AXIN1: variants seen among roughly 807,000 people sequenced by gnomAD.
The protein encoded by AXIN1 is axin 1, also known as axin-1.
AXIN1 carries 30 observed loss-of-function variants against 76.4 expected under a neutral mutation model. The ratio of observed to expected loss-of-function variants is 0.39; its 90% CI spans 0.29 to 0.53. AXIN1 has a LOEUF of 0.53. AXIN1 is among the 20% of genes least tolerant of loss of function. The pLI is 0.66. For missense variants in AXIN1, 1,140 were observed against 1,198.8 expected, an observed-to-expected ratio of 0.95 and a Z score of 0.72; for synonymous variants, 545 against 501.4, an observed-to-expected ratio of 1.09 and a Z score of -1.16.
At chr16:305,146 A>T (rs1374429961) in intron 4 of AXIN1, among the ~76,000 whole-genome samples, 2 of 152,150 alleles carry the variant, frequency 1.3e-5, no homozygotes, top group Non-Finnish European at 2.9e-5. Context: ...AGGACAGGGG[A>T]GGTCTGGGAA....
At chr16:311,928 T>A (rs1362119665) in intron 3 of AXIN1, among the ~76,000 whole-genome samples, 3 of 152,200 alleles carry the variant, frequency 2.0e-5, no homozygotes, top group Non-Finnish European at 4.4e-5. Flanking sequence ...CGGCAACTCC[T>A]GAGGCATCCT....
intron 2 of AXIN1, among the ~76,000 whole-genome samples, chr16:316,761 T>G (rs2053312118): frequency 6.6e-6 from 1 of 152,208 alleles, no homozygotes; most frequent in Admixed American, 6.5e-5. Context: ...TTCCATTTGA[T>G]TCACAATTTT....
chr16:291,577 T>TAC, intron 8 of AXIN1: 1 of 519,572 alleles, frequency 1.9e-6, no homozygotes, highest in Admixed American at 3.1e-5. Flanking sequence ...TCAGGGGTGC[T>TAC]GGGATCCCAC....
intron 2 of AXIN1, among the ~76,000 whole-genome samples, chr16:332,579 A>C (rs955356657): frequency 6.6e-6 from 1 of 151,850 alleles, no homozygotes; most frequent in African/African-American, 2.4e-5. Flanking sequence ...CCTTCTCAAA[A>C]AAAAAAAGAA....
chr16:294,755 CAAAAAAAAAAA>C (rs1015576394), intron 7 of AXIN1, among the ~76,000 whole-genome samples: 1 of 24,742 alleles, frequency 4.0e-5, no homozygotes, highest in African/African-American at 1.7e-4. Context: ...AACCCCATCT[CAAAAAAAAAAA>C]AAAAAAAAAA....
chr16:318,669 G>C (rs1057021689), intron 2 of AXIN1, among the ~76,000 whole-genome samples: 2 of 152,238 alleles, frequency 1.3e-5, no homozygotes, highest in African/African-American at 4.8e-5. Context: ...GTGCCTGCCT[G>C]TGCGTGCGCC....
At chr16:327,799 C>T (rs2053614556) in intron 2 of AXIN1, among the ~76,000 whole-genome samples, 1 of 152,236 alleles carries the variant, frequency 6.6e-6, no homozygotes, top group Non-Finnish European at 1.5e-5. Flanking sequence ...TTTCAGCAAA[C>T]AGTGCTTGGG....
Position 330,061 on chromosome 16 carries a change from C to T in AXIN1, c.879-15378G>A, listed in dbSNP as rs182972620. Reference sequence around the variant, plus strand: ...GATTACAGGCATGACCCACTGTGCCCGGCCCTTTTTTTTTTTTGAGAGAGG... The same window carrying T: ...GATTACAGGCATGACCCACTGTGCCTGGCCCTTTTTTTTTTTTGAGAGAGG... On this transcript the variant is annotated intron_variant, in intron 2 of 10. Transcript: ENST00000262320. Among the ~76,000 whole-genome samples, 292 of 134,546 alleles carry T rather than the reference C, an allele frequency of 2.2e-3. 1 individual carries two copies. The highest frequency in any genetic ancestry group is 3.9e-3 in the Non-Finnish European group (249 of 63,256). 88.3% of individuals were successfully genotyped at this position (134,546 alleles called of 152,430 possible). A position where few individuals can be genotyped will look rare whatever the true frequency, so the allele number is the denominator to read the frequency against.
At chr16:317,444 C>T (rs576422374) in intron 2 of AXIN1, among the ~76,000 whole-genome samples, 3 of 152,334 alleles carry the variant, frequency 2.0e-5, no homozygotes, top group East Asian at 1.9e-4. Flanking sequence ...ATGGAAAACA[C>T]GGTTCACGAT....
chr16:313,460 G>A (rs1377268622), intron 3 of AXIN1, among the ~76,000 whole-genome samples: 6 of 152,224 alleles, frequency 3.9e-5, no homozygotes, highest in Non-Finnish European at 7.3e-5. Flanking sequence ...CCAGCTAAGC[G>A]GGAAAGACAT....
intron 2 of AXIN1, among the ~76,000 whole-genome samples, chr16:320,573 T>G (rs1160936489): frequency 1.3e-5 from 2 of 151,852 alleles, no homozygotes; most frequent in East Asian, 1.9e-4. Context: ...ACGTGCAAAT[T>G]TGAGAGAGTT....
chr16:320,743 A>ATATATATATATTTT (rs397722732), intron 2 of AXIN1, among the ~76,000 whole-genome samples: 4 of 107,660 alleles, frequency 3.7e-5, no homozygotes, highest in African/African-American at 9.2e-5. Flanking sequence ...ATATATATAT[A>ATATATATATATTTT]TTTTTTTTTT....
chr16:295,422 T>C lies in AXIN1; in HGVS notation c.1955+1634A>G, dbSNP rs1432333129. Among the ~76,000 whole-genome samples the C allele has an allele frequency of 2.0e-5, 3 of 152,018 alleles. No homozygotes were observed. In the East Asian group the frequency reaches 5.8e-4, roughly 29 times the overall value. ...TACATTTTATTTTTAACAGCTTTAC[T>C]GGGATACAAATTATATACTAATCCT... is the stretch of plus-strand genomic sequence containing the variant. On this transcript the variant is annotated intron_variant, in intron 7 of 10. Coordinates refer to ENST00000262320, the MANE Select transcript of AXIN1 (RefSeq NM_003502.4).
chr16:329,526 T>C (rs57401795), intron 2 of AXIN1, among the ~76,000 whole-genome samples: 86,880 of 151,842 alleles, frequency 0.57, 25,549 homozygotes, highest in South Asian at 0.74. Flanking sequence ...GCTCAATGCA[T>C]CCTCCGCCTC....
At chr16:341,482 G>A (rs1361397672) in intron 2 of AXIN1, among the ~76,000 whole-genome samples, 1 of 152,388 alleles carries the variant, frequency 6.6e-6, no homozygotes, top group East Asian at 1.9e-4. Flanking sequence ...TTCTCGCTGG[G>A]TCTTAACTGC....
chr16:349,377 G>A (rs576848975), intron 1 of AXIN1, among the ~76,000 whole-genome samples: 3 of 152,282 alleles, frequency 2.0e-5, no homozygotes, highest in Non-Finnish European at 2.9e-5. Flanking sequence ...CACCCTGGGC[G>A]TGGGCACCTC....
rs760614505 is a variant in AXIN1, at chr16:297,853, C to T, written c.1653G>A (p.Glu551=). 4 of 1,580,296 alleles carry T rather than the reference C, an allele frequency of 2.5e-6. No homozygotes were observed. The highest frequency in any genetic ancestry group is 3.4e-4 in the Middle Eastern group (2 of 5,950). Residue 551 remains glutamate (E), a synonymous_variant, in exon 6 of 11, where the codon GAG becomes GAA. Coordinates refer to ENST00000262320, the MANE Select transcript of AXIN1 (RefSeq NM_003502.4). ...TCTGGGCCCTGCGGGTGGCCTCGGC[C>T]TCCACCTGCTCCTTGGGCCGGGCTG... ...HSTARPKEQV[E]AEATRRAQSS...
At position 314,582 on chromosome 16, in the gene AXIN1, G is replaced by T. The variant is rs1462252334; in HGVS notation, c.980C>A (p.Ser327Tyr). The T allele has an allele frequency of 6.2e-6, 10 of 1,613,942 alleles. No homozygotes were observed. The South Asian group carries it at 1.1e-4, about 18-fold the overall frequency. Residue 327 changes from serine (S) to tyrosine (Y), a missense_variant, in exon 3 of 11, where the codon TCC (serine) becomes TAC (tyrosine). Physicochemically the swap from Ser to Tyr is moderately radical, Grantham distance 144. This residue lies in a region of AXIN1 where 708 missense variants were observed against 776.9 expected (regional missense o/e 0.91). Transcript: ENST00000262320. ...SANDSEQQSL[S>Y]SDADTLSLTD... ...GAGGGACAGGGTGTCTGCATCGCTG[G>T]ACAGGCTCTGCTGCTCGCTGTCGTT... is the stretch of plus-strand genomic sequence containing the variant.
chr16:322,892 TG>T (rs1183373841), intron 2 of AXIN1, among the ~76,000 whole-genome samples: 1 of 152,212 alleles, frequency 6.6e-6, no homozygotes, highest in Non-Finnish European at 1.5e-5. Context: ...GGCCTGCAGC[TG>T]CGTCCCAGCT....
Sources: gnomAD v4.1 joint callset for allele counts (sites outside exome capture counted in the v4.1 genomes callset) on GRCh38, gnomAD v4.1.1 for gene constraint, gnomAD v4.1.1 regional missense constraint, MANE v1.5 for transcripts, NCBI Gene and HGNC (gene_info 2026-07-23, HGNC 2026-07-21) for gene names.